ZNF888: variants seen among roughly 807,000 people sequenced by gnomAD.
ZNF888 encodes the protein zinc finger protein 888, also known as CTD-2331H12.6.
Under a neutral mutation model 7.2 loss-of-function variants are expected in ZNF888, and 5 were observed. The observed-to-expected ratio is 0.70, with a 90% CI of 0.36 to 1.46. The LOEUF (loss-of-function observed/expected upper bound fraction) is 1.46. Among genes scored for constraint, ZNF888 ranks in the 40% most tolerant of loss-of-function variants. The pLI is 0.03. For synonymous variants in ZNF888, 240 were observed against 284.3 expected, an observed-to-expected ratio of 0.84 and a Z score of 1.57; for missense variants, 716 against 858.0, an observed-to-expected ratio of 0.83 and a Z score of 2.07.
At chr19:52,922,291 T>C (rs2064830308) in intron 1 of ZNF888, among the ~76,000 whole-genome samples, 1 of 151,612 alleles carries the variant, frequency 6.6e-6, no homozygotes, top group African/African-American at 2.4e-5. Context: ...CCCTGTTAAA[T>C]TCTCTCTTCC....
At chr19:52,909,847 T>C (rs541695245) in intron 4 of ZNF888, among the ~76,000 whole-genome samples, 1 of 151,846 alleles carries the variant, frequency 6.6e-6, no homozygotes, top group Admixed American at 6.6e-5. Flanking sequence ...GTCAAGAAAA[T>C]ACACAGCATT....
chr19:52,910,797 G>T (rs10402041), intron 4 of ZNF888, among the ~76,000 whole-genome samples: 121,608 of 152,100 alleles, frequency 0.8, 49,061 homozygotes, highest in African/African-American at 0.9. Flanking sequence ...GCCTCCCAGT[G>T]TAAGCTATTT....
intron 4 of ZNF888, chr19:52,914,516 T>A (rs967984581): frequency 3.1e-5 from 6 of 196,462 alleles, no homozygotes; most frequent in African/African-American, 4.7e-5. Flanking sequence ...AAAATATTTC[T>A]CAAATTCCTC....
chr19:52,907,516 G>A lies in ZNF888; in HGVS notation c.806C>T (p.Pro269Leu), dbSNP rs1363541516. The A allele has an allele frequency of 3.1e-6, 5 of 1,608,134 alleles. No individual in the cohort carries two copies. The highest frequency in any genetic ancestry group is 2.2e-5 in the East Asian group (1 of 44,850). The change falls in exon 5 of 5, where the codon CCT (proline) becomes CTT (leucine). Residue 269 changes from proline (P) to leucine (L), a missense_variant. Around this residue, in one of 2 missense-constraint regions of ZNF888, gnomAD observed 697 missense variants for 803.4 expected, o/e 0.87. Transcript: ENST00000638862. Reference sequence around the variant, plus strand: ...CTTGCCACATTTATTACACATGTAAGGTTTCTCACCAGTGTGACATCTACG... The same window carrying A: ...CTTGCCACATTTATTACACATGTAAAGTTTCTCACCAGTGTGACATCTACG... ...HHRRCHTGEK[P>L]YMCNKCGKVF...
intron 2 of ZNF888, 160 bp from the exon 3 acceptor site, chr19:52,918,091 G>C (rs557292859): frequency 7.0e-7 from 1 of 1,420,402 alleles, no homozygotes; most frequent in South Asian, 1.6e-5. Context: ...ACTCCTATAG[G>C]AAAACTCCCA....
chr19:52,917,762 C>A (rs988508297), intron 3 of ZNF888, 97 bp downstream of exon 3: 4 of 1,590,684 alleles, frequency 2.5e-6, no homozygotes, highest in African/African-American at 2.7e-5. Context: ...AAACCTGTCA[C>A]GCAGGATGCT....
chr19:52,921,081 AGCCTAGATCTGAAG>A (rs2064818795), intron 1 of ZNF888, among the ~76,000 whole-genome samples: 1 of 152,126 alleles, frequency 6.6e-6, no homozygotes, highest in Non-Finnish European at 1.5e-5. Context: ...GATATCTCTG[AGCCTAGATCTGAAG>A]GAGGAGAAAG....
intron 1 of ZNF888, among the ~76,000 whole-genome samples, chr19:52,921,334 G>A (rs2064821173): frequency 6.6e-6 from 1 of 152,232 alleles, no homozygotes; most frequent in Non-Finnish European, 1.5e-5. Flanking sequence ...AACACAGGAA[G>A]CCAGTGGAGG....
At position 52,905,330 on chromosome 19, in the gene ZNF888, C is replaced by G. The variant is rs1465153770; in HGVS notation, c.*835G>C. 1 of 151,594 alleles carries G rather than the reference C, an allele frequency of 6.6e-6. No homozygotes were observed. The highest frequency in any genetic ancestry group is 2.4e-5 in the African/African-American group (1 of 40,890). 9.4% of individuals were successfully genotyped at this position (151,594 alleles called of 1,614,324 possible). A position where few individuals can be genotyped will look rare whatever the true frequency, so the allele number is the denominator to read the frequency against. ...ACCCCCACCTCTGCCAGCCAGAGAA[C>G]AACCCCCTTTGATTGTAACTTTCCA... On this transcript the variant is annotated 3_prime_UTR_variant, in exon 5 of 5. Coordinates refer to ENST00000638862, the MANE Select transcript of ZNF888 (RefSeq NM_001393938.1).
chr19:52,913,800 A>G (rs982326281), intron 4 of ZNF888: 1 of 924,664 alleles, frequency 1.1e-6, no homozygotes, highest in Non-Finnish European at 1.3e-6. Context: ...AACCACTTAT[A>G]TGTTTACTAA....
At position 52,912,137 on chromosome 19, in the gene ZNF888, G is replaced by T. The variant is rs187046430; in HGVS notation, c.142+3059C>A. On this transcript the variant is annotated intron_variant, in intron 4 of 4. Transcript: ENST00000638862. The stretch of plus-strand genomic sequence containing the variant: ...CTTTATTTTTATTTTTTTTTGAGAC[G>T]GAATCTTGCTCTGTCACCCAGGCTG... Among the ~76,000 whole-genome samples the T allele has an allele frequency of 7.5e-3, 1,029 of 137,864 alleles. 20 individuals are homozygous for T. The highest frequency in any genetic ancestry group is 0.026 in the African/African-American group (964 of 36,482). The allele number at this position is 137,864 out of a possible 152,430, so 90.4% of individuals were successfully genotyped here.
At chr19:52,908,864 A>G (rs1039236705) in intron 4 of ZNF888, among the ~76,000 whole-genome samples, 9 of 136,778 alleles carry the variant, frequency 6.6e-5, no homozygotes, top group African/African-American at 2.4e-4. Context: ...AAAAAAAAAA[A>G]GGCAGGGCTT....
At chr19:52,908,916 G>A (rs2064643496) in intron 4 of ZNF888, among the ~76,000 whole-genome samples, 1 of 150,976 alleles carries the variant, frequency 6.6e-6, no homozygotes, top group Admixed American at 6.6e-5. Flanking sequence ...GGAGGCCGAG[G>A]CAGGTGGATC....
At chr19:52,919,938 G>A (rs1275505512) in intron 1 of ZNF888, among the ~76,000 whole-genome samples, 3 of 60,564 alleles carry the variant, frequency 5.0e-5, no homozygotes, top group African/African-American at 1.2e-4. Flanking sequence ...ACCCCGTCTG[G>A]GAAGTGAGGA....
At chr19:52,919,905 A>G (rs1197645341) in intron 1 of ZNF888, among the ~76,000 whole-genome samples, 1 of 56,968 alleles carries the variant, frequency 1.8e-5, no homozygotes, top group African/African-American at 6.3e-5. Flanking sequence ...CTGAGAAGTG[A>G]GGAGCCCCTC....
chr19:52,918,263 G>C (rs1331259770), intron 2 of ZNF888: 2 of 950,654 alleles, frequency 2.1e-6, no homozygotes, highest in African/African-American at 3.5e-5. Flanking sequence ...ACCAAGGTAG[G>C]TACATTGCTT....
chr19:52,907,087 C>T lies in ZNF888; in HGVS notation c.1235G>A (p.Cys412Tyr), dbSNP rs758006164. ...ACCAAACGTTTTGCCACACTCATTA[C>T]ACTTGTAAGGTTTCTCTCTAGTGTG... ...VIHTREKPYK[C>Y]NECGKTFGEN... Residue 412 changes from cysteine to tyrosine, a missense_variant, in exon 5 of 5, where the codon TGT (cysteine) becomes TAT (tyrosine). Cys to Tyr is a radical substitution (Grantham distance 194). Coordinates refer to ENST00000638862, the MANE Select transcript of ZNF888 (RefSeq NM_001393938.1). 5 of 1,612,128 alleles carry T rather than the reference C, an allele frequency of 3.1e-6. No homozygotes were observed. The African/African-American group carries it at 5.4e-5, about 17-fold the overall frequency.
rs2064606304 is a variant in ZNF888 at position 52,906,264 on chromosome 19, T to A, written c.2058A>T (p.Gly686=). Residue 686 remains glycine (G), a synonymous_variant, in exon 5 of 5, where the codon GGA becomes GGT. Transcript: ENST00000638862. The part of the protein sequence containing the change: ...HLAQHTRIHT[G]EKPFKCSECG... ...ACTCACTACACTTGAAAGGTTTCTC[T>A]CCAGTATGAATTCTAGTATGTTGTG... 6.2e-6 allele frequency: 10 copies of A among 1,612,102 alleles called. No homozygotes were observed. Among genetic ancestry groups the A allele is most frequent in the Non-Finnish European group, 8.5e-6 (10 of 1,178,862 alleles).
Position 52,906,224 on chromosome 19 carries a change from G to C in ZNF888, c.2098C>G (p.Arg700Gly). 2 of 1,609,690 alleles carry C rather than the reference G, an allele frequency of 1.2e-6. No homozygotes were observed. Residue 700 changes from arginine (R) to glycine (G), a missense_variant, in exon 5 of 5, where the codon CGT becomes GGT. Physicochemically the swap from Arg to Gly is moderately radical, Grantham distance 125. Transcript: ENST00000638862. ...TGGTGAATAAGTGTTGACTGTGCAC[G>C]AAAGGCTTTGCCACACTCACTACAC... The part of the protein sequence containing the change: ...FKCSECGKAF[R>G]AQSTLIHHQA...
Sources: allele counts gnomAD v4.1 joint callset (sites outside exome capture counted in the v4.1 genomes callset), GRCh38; gene constraint gnomAD v4.1.1; regional missense constraint gnomAD v4.1.1; transcripts MANE v1.5; gene names NCBI Gene and HGNC (gene_info 2026-07-23, HGNC 2026-07-21).